The following MAP3K20 variants were observed in gnomAD, a reference collection of about 807,000 sequenced individuals.
The protein encoded by MAP3K20 is mitogen-activated protein kinase kinase kinase 20, also known as HCCS-4.
In MAP3K20, 40 loss-of-function variants were observed where a neutral mutation model predicts 85.7. The observed-to-expected ratio is 0.47, with a 90% confidence interval of 0.36 to 0.61. The LOEUF (loss-of-function observed/expected upper bound fraction) is 0.61. Ranked by LOEUF, MAP3K20 falls within the 20% of genes least tolerant of loss-of-function variation. The probability of loss-of-function intolerance (pLI) is 0.00; values close to 1 mark genes in which losing one functional copy is unlikely to be tolerated. For missense variants in MAP3K20, 817 were observed against 961.7 expected (o/e 0.85, Z 1.99); for synonymous variants, 325 against 327.7 (o/e 0.99, Z 0.09).
intron 2 of MAP3K20, among the ~76,000 whole-genome samples, chr2:173,128,821 C>T (rs1688521846): frequency 6.6e-6 from 1 of 151,738 alleles, no homozygotes; most frequent in African/African-American, 2.4e-5. Flanking sequence ...CCTGTTTTTC[C>T]TGTGGTAATT....
intron 14 of MAP3K20, among the ~76,000 whole-genome samples, chr2:173,237,019 CTTTTTTTTTT>C (rs368196400): frequency 2.6e-5 from 2 of 75,538 alleles, no homozygotes; most frequent in East Asian, 5.0e-4. Context: ...GTATATCCAC[CTTTTTTTTTT>C]TTTTTTTTTT....
At chr2:173,118,315 C>T (rs1688181994) in intron 2 of MAP3K20, among the ~76,000 whole-genome samples, 1 of 152,164 alleles carries the variant, frequency 6.6e-6, no homozygotes, top group African/African-American at 2.4e-5. Flanking sequence ...GGATCTAGTT[C>T]AGGGAGCAAG....
chr2:173,265,172 T>C (rs1685390244), intron 19 of MAP3K20, among the ~76,000 whole-genome samples: 1 of 152,216 alleles, frequency 6.6e-6, no homozygotes, highest in Non-Finnish European at 1.5e-5. Flanking sequence ...CAGAGACATG[T>C]GCATGCTCTG....
chr2:173,266,677 C>T lies in MAP3K20; in HGVS notation c.2330C>T (p.Pro777Leu), dbSNP rs756780707. The T allele has an allele frequency of 6.2e-7, 1 of 1,607,632 alleles. No homozygotes were observed. The highest frequency in any genetic ancestry group is 1.1e-5 in the South Asian group (1 of 90,392). The change falls in exon 20 of 20, where the codon CCC becomes CTC. Residue 777 changes from proline (P) to leucine (L), a missense_variant. Transcript: ENST00000375213. ...GWTKVEYRKK[P>L]HRPSPAKTNK... ...ACAAAAGTGGAATACCGGAAAAAGCCCCACAGGCCATCTCCCGCCAAAACC... is the reference window on the plus strand; with the variant it reads ...ACAAAAGTGGAATACCGGAAAAAGCTCCACAGGCCATCTCCCGCCAAAACC...
intron 2 of MAP3K20, among the ~76,000 whole-genome samples, chr2:173,124,657 A>G (rs893652044): frequency 6.6e-6 from 1 of 152,246 alleles, no homozygotes; most frequent in Admixed American, 6.5e-5. Flanking sequence ...ACTTGTTCAC[A>G]GGAATCCAGC....
chr2:173,219,310 C>T (rs1684166280), intron 11 of MAP3K20, among the ~76,000 whole-genome samples: 1 of 152,146 alleles, frequency 6.6e-6, no homozygotes, highest in African/African-American at 2.4e-5. Flanking sequence ...ATTTCAAGGG[C>T]ACTATTTTCT....
chr2:173,267,384 T>C lies in MAP3K20; in HGVS notation c.*634T>C, dbSNP rs1441937417. 6.6e-6 allele frequency: 1 copy of C among 152,186 alleles called. No individual in the cohort carries two copies. Among genetic ancestry groups the C allele is most frequent in the Non-Finnish European group, 1.5e-5 (1 of 68,032 alleles). 9.4% of individuals were successfully genotyped at this position (152,186 alleles called of 1,614,324 possible). On this transcript the variant is annotated 3_prime_UTR_variant, in exon 20 of 20. Coordinates refer to ENST00000375213, the MANE Select transcript of MAP3K20 (RefSeq NM_016653.3). The stretch of plus-strand genomic sequence containing the variant: ...TTTGTGCCCAAGGCAGGTACCTCAC[T>C]CATCTCATCCTTGGCTCAGCCCTGC...
chr2:173,143,381 T>C (rs1277669483), intron 2 of MAP3K20, among the ~76,000 whole-genome samples: 1 of 152,148 alleles, frequency 6.6e-6, no homozygotes, highest in Non-Finnish European at 1.5e-5. Flanking sequence ...ATAGACAAAT[T>C]CACAATTACA....
chr2:173,265,719 G>A (rs1461214098), intron 19 of MAP3K20, among the ~76,000 whole-genome samples: 1 of 152,150 alleles, frequency 6.6e-6, no homozygotes, highest in Admixed American at 6.5e-5. Context: ...GTGATCTTGG[G>A]CAAGTCATTT....
Position 173,209,798 on chromosome 2 carries a change from A to G in MAP3K20, c.814A>G (p.Lys272Glu). 6.2e-7 allele frequency: 1 copy of G among 1,614,134 alleles called. No individual in the cohort carries two copies. The highest frequency in any genetic ancestry group is 8.5e-7 in the Non-Finnish European group (1 of 1,180,000). ...SMSNDTSLPD[K>E]CNSFLHNKAE... ...GTCAAATGACACGAGCCTTCCTGAC[A>G]AGTGTAACTCATTCCTACACAACAA... is the stretch of plus-strand genomic sequence containing the variant. Residue 272 changes from lysine (K) to glutamate (E), a missense_variant, in exon 10 of 20, where the codon AAG (lysine) becomes GAG (glutamate). Transcript: ENST00000375213.
At chr2:173,140,005 T>G (rs1041177085) in intron 2 of MAP3K20, among the ~76,000 whole-genome samples, 12 of 151,720 alleles carry the variant, frequency 7.9e-5, no homozygotes, top group African/African-American at 2.9e-4. Flanking sequence ...ATACTTAATT[T>G]TATTTATTTA....
chr2:173,257,934 T>A (rs578123832), intron 16 of MAP3K20, among the ~76,000 whole-genome samples: 1 of 152,352 alleles, frequency 6.6e-6, no homozygotes, highest in Non-Finnish European at 1.5e-5. Flanking sequence ...CATTATATGG[T>A]GATTTTATTA....
intron 2 of MAP3K20, among the ~76,000 whole-genome samples, chr2:173,145,297 C>T (rs1689106380): frequency 6.6e-6 from 1 of 152,062 alleles, no homozygotes; most frequent in Non-Finnish European, 1.5e-5. Context: ...AATCCAAACT[C>T]TGTGCTTACA....
At chr2:173,107,494 G>T (rs896548549) in intron 2 of MAP3K20, among the ~76,000 whole-genome samples, 24 of 152,144 alleles carry the variant, frequency 1.6e-4, no homozygotes, top group African/African-American at 5.8e-4. Flanking sequence ...AGGGATAAGG[G>T]CACCCAGAGC....
chr2:173,261,646 T>G (rs1261065769), intron 18 of MAP3K20, among the ~76,000 whole-genome samples: 1 of 152,206 alleles, frequency 6.6e-6, no homozygotes, highest in African/African-American at 2.4e-5. Flanking sequence ...AAACATTTAT[T>G]AAGGATCTAC....
intron 9 of MAP3K20, 90 bp from the exon 10 acceptor site, chr2:173,209,639 T>C: frequency 9.5e-7 from 1 of 1,054,682 alleles, no homozygotes; most frequent in Non-Finnish European, 1.4e-6. Context: ...GTGGGTTGAG[T>C]TTATTACTAT....
intron 10 of MAP3K20, among the ~76,000 whole-genome samples, chr2:173,214,011 A>G (rs565583495): frequency 6.6e-6 from 1 of 152,290 alleles, no homozygotes; most frequent in Non-Finnish European, 1.5e-5. Context: ...AGTCACCGTG[A>G]TCACAGTGCA....
At chr2:173,134,428 A>ATATATATATATTT (rs56330241) in intron 2 of MAP3K20, among the ~76,000 whole-genome samples, 1 of 3,156 alleles carries the variant, frequency 3.2e-4, no homozygotes, top group East Asian at 4.5e-3. Flanking sequence ...ATATATATAT[A>ATATATATATATTT]TTTTTTTTTT....
chr2:173,232,205 A>G lies in MAP3K20; in HGVS notation c.1046A>G (p.Gln349Arg), dbSNP rs1302795021. The part of the protein sequence containing the change: ...WTEDDVYCWV[Q>R]QLVRKGDSSA... ...TCTCTTTCACAGTATTGTTGGGTTC[A>G]GCAGCTCGTCAGAAAAGGCAAGTGG... The change falls in exon 13 of 20, where the codon CAG becomes CGG. Residue 349 changes from glutamine (Q) to arginine (R), a missense_variant. This residue lies in a region of MAP3K20 where 158 missense variants were observed against 162.0 expected (regional missense o/e 0.98). Coordinates refer to ENST00000375213, the MANE Select transcript of MAP3K20 (RefSeq NM_016653.3). 4.3e-6 allele frequency: 7 copies of G among 1,614,138 alleles called. No individual in the cohort carries two copies. The highest frequency in any genetic ancestry group is 5.9e-6 in the Non-Finnish European group (7 of 1,180,044).
Sources: gnomAD v4.1 joint callset for allele counts (sites outside exome capture counted in the v4.1 genomes callset) on GRCh38, gnomAD v4.1.1 for gene constraint, gnomAD v4.1.1 regional missense constraint, MANE v1.5 for transcripts, NCBI Gene and HGNC (gene_info 2026-07-23, HGNC 2026-07-21) for gene names.